RBFOX1: variants seen among roughly 807,000 people sequenced by gnomAD.
RBFOX1 encodes RNA binding fox-1 homolog 1.
RBFOX1 carries 8 observed loss-of-function variants against 57.7 expected under a neutral mutation model. The observed-to-expected ratio is 0.14, with a 90% CI of 0.08 to 0.25. RBFOX1 has a LOEUF of 0.25. Ranked by LOEUF, RBFOX1 falls within the 10% of genes least tolerant of loss-of-function variation. RBFOX1 has a pLI of 1.00. For synonymous variants in RBFOX1, 326 were observed against 222.4 expected (o/e 1.47, Z -4.15); for missense variants, 611 against 548.5 (o/e 1.11, Z -1.14).
chr16:7,476,850 C>T (rs985901195), intron 4 of RBFOX1, among the ~76,000 whole-genome samples: 1 of 152,172 alleles, frequency 6.6e-6, no homozygotes, highest in Non-Finnish European at 1.5e-5. Flanking sequence ...GCTAACATTG[C>T]TTTTATGCTG....
intron 1 of RBFOX1, among the ~76,000 whole-genome samples, chr16:6,154,468 A>C (rs1333893916): frequency 6.6e-6 from 1 of 152,200 alleles, no homozygotes; most frequent in Non-Finnish European, 1.5e-5. Flanking sequence ...CAGGTAGTGA[A>C]TCTATTATCC....
chr16:6,681,126 C>G (rs1258688594), intron 3 of RBFOX1, among the ~76,000 whole-genome samples: 3 of 152,058 alleles, frequency 2.0e-5, no homozygotes, highest in Non-Finnish European at 2.9e-5. Context: ...TCCTGGGAAA[C>G]ATGGTGAGAC....
intron 4 of RBFOX1, among the ~76,000 whole-genome samples, chr16:7,234,122 CA>C (rs146583036): frequency 0.011 from 1,737 of 152,180 alleles, 34 homozygotes; most frequent in African/African-American, 0.04. Context: ...GCTCTATTCA[CA>C]AAGGCCTGTT....
Position 5,575,418 on chromosome 16 carries a change from C to G in RBFOX1, c.259-23484C>G, listed in dbSNP as rs60975527. 9.5e-3 allele frequency among the ~76,000 whole-genome samples: 1,441 copies of G among 152,276 alleles called. 25 individuals are homozygous for G. Among genetic ancestry groups the G allele is most frequent in the African/African-American group, 0.032 (1,341 of 41,542 alleles). On this transcript the variant is annotated intron_variant, in intron 2 of 2. Transcript: ENST00000585867. ...GTCTTAGGTGATCATCCTAACAGCT[C>G]TATGTCAGGCAGGTTCAACTTTTGT...
At chr16:7,042,349 A>G (rs972361799) in intron 3 of RBFOX1, among the ~76,000 whole-genome samples, 5 of 152,148 alleles carry the variant, frequency 3.3e-5, no homozygotes, top group Admixed American at 1.3e-4. Flanking sequence ...ACTGTGTACA[A>G]TGGTGATTCA....
In RBFOX1 at chr16:6,157,500, A is replaced by G. The variant is rs139035437; in HGVS notation, c.-127+137508A>G. Among the ~76,000 whole-genome samples, 8 of 152,262 alleles carry G rather than the reference A, an allele frequency of 5.3e-5. No individual in the cohort carries two copies. In the East Asian group the frequency reaches 1.5e-3, roughly 29 times the overall value. ...AGACTTTCTGTATTTTTATTTGCTA[A>G]CTGTGGTAATCCTATTCTGCCAGGA... On this transcript the variant is annotated intron_variant, in intron 1 of 15. Coordinates refer to ENST00000550418, the MANE Select transcript of RBFOX1 (RefSeq NM_018723.4).
chr16:5,550,227 G>A (rs1016963815), intron 2 of RBFOX1, among the ~76,000 whole-genome samples: 3 of 152,286 alleles, frequency 2.0e-5, no homozygotes, highest in African/African-American at 7.2e-5. Context: ...GGACATTGTA[G>A]GGTAGGACTG....
chr16:7,039,344 G>A (rs1036832999), intron 3 of RBFOX1, among the ~76,000 whole-genome samples: 5 of 152,112 alleles, frequency 3.3e-5, no homozygotes, highest in Non-Finnish European at 5.9e-5. Flanking sequence ...AACCAGACAA[G>A]ATTTTTACAG....
chr16:6,895,141 A>G (rs2066449145), intron 3 of RBFOX1, among the ~76,000 whole-genome samples: 2 of 152,092 alleles, frequency 1.3e-5, no homozygotes, highest in South Asian at 4.1e-4. Context: ...TCAGAGAAGC[A>G]CCAAATCAAA....
intron 3 of RBFOX1, among the ~76,000 whole-genome samples, chr16:6,968,671 A>C (rs2084834549): frequency 6.6e-6 from 1 of 152,102 alleles, no homozygotes; most frequent in Non-Finnish European, 1.5e-5. Context: ...GGAAGCCCAC[A>C]AGGTGCTGGC....
chr16:7,417,332 C>G (rs990587549), intron 4 of RBFOX1, among the ~76,000 whole-genome samples: 15 of 145,848 alleles, frequency 1.0e-4, no homozygotes, highest in African/African-American at 3.6e-4. Flanking sequence ...GAGATTGTTC[C>G]ACTGCATTCC....
intron 4 of RBFOX1, among the ~76,000 whole-genome samples, chr16:5,938,753 C>A (rs943030763): frequency 2.0e-5 from 3 of 152,160 alleles, no homozygotes; most frequent in Non-Finnish European, 4.4e-5. Flanking sequence ...CATAAACAGT[C>A]ATTTTGGTTA....
chr16:7,684,076 C>G (rs1432004869), intron 14 of RBFOX1, among the ~76,000 whole-genome samples: 1 of 152,078 alleles, frequency 6.6e-6, no homozygotes, highest in Non-Finnish European at 1.5e-5. Context: ...TTTAAGTTAT[C>G]AAAGCAAGTT....
chr16:5,879,628 T>C (rs2057712260), intron 4 of RBFOX1, among the ~76,000 whole-genome samples: 1 of 152,156 alleles, frequency 6.6e-6, no homozygotes, highest in Non-Finnish European at 1.5e-5. Flanking sequence ...CCACGCCTGA[T>C]CTATTTTCTT....
chr16:6,398,613 G>A (rs1245370865), intron 2 of RBFOX1, among the ~76,000 whole-genome samples: 1 of 152,206 alleles, frequency 6.6e-6, no homozygotes, highest in Non-Finnish European at 1.5e-5. Context: ...AAACATTAAA[G>A]TTCCCAAATG....
chr16:7,512,488 G>A (rs1475275218), intron 4 of RBFOX1, among the ~76,000 whole-genome samples: 2 of 152,136 alleles, frequency 1.3e-5, no homozygotes, highest in African/African-American at 4.8e-5. Context: ...ATTAATTAGG[G>A]TCTCTCTGGA....
intron 4 of RBFOX1, among the ~76,000 whole-genome samples, chr16:7,086,721 T>TATACACACACACACACACACAGAC (rs1555460218): frequency 3.3e-5 from 5 of 149,476 alleles, no homozygotes; most frequent in African/African-American, 1.2e-4. Flanking sequence ...GAAGAATGTA[T>TATACACACACACACACACACAGAC]ACACACACAC....
intron 3 of RBFOX1, among the ~76,000 whole-genome samples, chr16:6,798,039 A>G (rs575052978): frequency 1.2e-3 from 180 of 152,242 alleles, no homozygotes; most frequent in Non-Finnish European, 2.0e-3. Context: ...GATGAAGTTG[A>G]TAGTGATAAA....
intron 2 of RBFOX1, among the ~76,000 whole-genome samples, chr16:5,559,375 T>C (rs192814281): frequency 6.6e-6 from 1 of 152,278 alleles, no homozygotes. Flanking sequence ...TAATCTGGTG[T>C]GGCTGTGATC....
Sources: allele counts gnomAD v4.1 joint callset (sites outside exome capture counted in the v4.1 genomes callset), GRCh38; gene constraint gnomAD v4.1.1; transcripts MANE v1.5; gene names NCBI Gene and HGNC (gene_info 2026-07-23, HGNC 2026-07-21).